Variants in RPS3 observed in about 807,000 individuals in gnomAD.
The protein encoded by RPS3 is small ribosomal subunit protein uS3.
In RPS3, 2 loss-of-function variants were observed where a neutral mutation model predicts 25.8. The observed-to-expected ratio is 0.08, with a 90% CI of 0.03 to 0.24. The LOEUF (loss-of-function observed/expected upper bound fraction) is 0.24, where lower values mean the gene tolerates loss of function less well. Ranked by LOEUF, RPS3 falls within the 10% of genes least tolerant of loss-of-function variation. RPS3 has a pLI of 1.00. For missense variants in RPS3, 107 were observed against 307.1 expected (o/e 0.35, Z 4.87); for synonymous variants, 114 against 114.2 (o/e 1.00, Z 0.01).
chr11:75,400,501 T>C (rs376136097), intron 1 of RPS3, 193 bp from the exon 2 acceptor site: 3 of 789,526 alleles, frequency 3.8e-6, no homozygotes, highest in Non-Finnish European at 4.3e-6. Context: ...GTTGAAGTAA[T>C]TTCCTAAAGA....
intron 6 of RPS3, among the ~76,000 whole-genome samples, chr11:75,417,565 C>G (rs1010106852): frequency 1.3e-5 from 2 of 152,224 alleles, no homozygotes; most frequent in Admixed American, 6.5e-5. Flanking sequence ...CCACTGCATT[C>G]CAGCCTGGGT....
Position 75,401,692 on chromosome 11 carries a change from G to C in RPS3, c.214G>C (p.Val72Leu), listed in dbSNP as rs781721862. The change falls in exon 3 of 7, where the codon GTA (valine) becomes CTA (leucine). Residue 72 changes from valine (V) to leucine (L), a missense_variant. Transcript: ENST00000531188. ...CCGGCGGATTCGGGAACTGACTGCT[G>C]TAGTTCAGAAGAGGTTTGGCTTTCC... is the stretch of plus-strand genomic sequence containing the variant. ...KGRRIRELTA[V>L]VQKRFGFPEG... 1 of 1,613,476 alleles carries C rather than the reference G, an allele frequency of 6.2e-7. No individual in the cohort carries two copies. Among genetic ancestry groups the C allele is most frequent in the Non-Finnish European group, 8.5e-7 (1 of 1,179,374 alleles).
At position 75,418,485 on chromosome 11, in the gene RPS3, A is replaced by G. The variant is rs1218402517; in HGVS notation, c.*4-3242A>G. ...ATGGGTGGCAGCAGTGGTGGTAGGG[A>G]AAAAAAAGGTAAAAAAATTTTTTAA... On this transcript the variant is annotated intron_variant, in intron 6 of 6. Coordinates refer to the RPS3 transcript ENST00000527446. Among the ~76,000 whole-genome samples the G allele has an allele frequency of 5.3e-5, 8 of 151,990 alleles. No individual in the cohort carries two copies. The South Asian group carries it at 1.0e-3, about 20-fold the overall frequency.
Position 75,404,649 on chromosome 11 carries a change from C to G in RPS3, c.539-23C>G, listed in dbSNP as rs1213215547. The G allele has an allele frequency of 2.5e-6, 4 of 1,598,772 alleles. No homozygotes were observed. In the African/African-American group the frequency reaches 5.4e-5, roughly 21 times the overall value. On this transcript the variant is annotated intron_variant, in intron 5 of 6. Transcript: ENST00000531188. The surrounding 1 kb of genome is among the most constrained non-coding windows in gnomAD (Gnocchi z 4.6). ...GGGCCTTTGAGACCCCAGCTGTGTG[C>G]TAACAACTGTGGTGTCCTCTAGGTG...
chr11:75,402,570 A>T, intron 4 of RPS3, 124 bp downstream of exon 4: 1 of 1,007,380 alleles, frequency 9.9e-7, no homozygotes, highest in South Asian at 1.7e-5. Context: ...CCAGGGTTAT[A>T]ATAAGATACT....
At chr11:75,401,475 G>A (rs1451947825) in intron 2 of RPS3, among the ~76,000 whole-genome samples, 165 bp from the exon 3 acceptor site, 9 of 152,108 alleles carry the variant, frequency 5.9e-5, no homozygotes, top group South Asian at 2.1e-4. Context: ...GGGTGACAGA[G>A]TGAGACCCTG....
intron 3 of RPS3, 140 bp from the exon 4 acceptor site, chr11:75,402,212 C>A: frequency 7.9e-7 from 1 of 1,257,934 alleles, no homozygotes; most frequent in Admixed American, 2.0e-5. Flanking sequence ...ACAATCAAAG[C>A]CATCTCCTGG....
chr11:75,407,517 G>A (rs1479153918), downstream of RPS3, among the ~76,000 whole-genome samples: 1 of 152,052 alleles, frequency 6.6e-6, no homozygotes, highest in Admixed American at 6.6e-5. Context: ...TGTCACCCAG[G>A]CTGGAGTGCA....
chr11:75,421,084 A>G (rs899651037), intron 6 of RPS3, among the ~76,000 whole-genome samples: 4 of 151,994 alleles, frequency 2.6e-5, no homozygotes, highest in Non-Finnish European at 5.9e-5. Flanking sequence ...AGCGTTCCCC[A>G]TAGGGTGGGC....
rs1948252653 is a variant in RPS3 at position 75,404,350 on chromosome 11, G to A, written c.538+143G>A. On this transcript the variant is annotated intron_variant, in intron 5 of 6. Coordinates refer to ENST00000531188, the MANE Select transcript of RPS3 (RefSeq NM_001005.5). This position sits in a 1 kb window ranked among gnomAD's most constrained non-coding sequence, Gnocchi z 4.6. ...GGTGTATCGATTGCCACGTTGATCT[G>A]TAAGAATCGATTTGCTGAGATCTGT... The A allele has an allele frequency of 1.2e-6, 1 of 858,310 alleles. No individual in the cohort carries two copies. Among genetic ancestry groups the A allele is most frequent in the African/African-American group, 1.7e-5 (1 of 60,532 alleles). 53.2% of individuals were successfully genotyped at this position (858,310 alleles called of 1,614,324 possible).
At chr11:75,403,973 G>A in intron 4 of RPS3, 47 bp from the exon 5 acceptor site, 1 of 1,547,376 alleles carries the variant, frequency 6.5e-7, no homozygotes, top group Non-Finnish European at 8.8e-7. Context: ...TAAACTTGGT[G>A]GAGGTCCTTG....
downstream of RPS3, among the ~76,000 whole-genome samples, chr11:75,408,857 G>A (rs564835821): frequency 6.6e-6 from 1 of 152,180 alleles, no homozygotes; most frequent in African/African-American, 2.4e-5. Flanking sequence ...ATCTTTTACA[G>A]AAAACTATGT....
Position 75,404,575 on chromosome 11 carries a change from C to G in RPS3, c.539-97C>G, listed in dbSNP as rs560846324. 20 of 1,205,582 alleles carry G rather than the reference C, an allele frequency of 1.7e-5. No individual in the cohort carries two copies. Among genetic ancestry groups the G allele is most frequent in the Non-Finnish European group, 2.0e-5 (16 of 808,792 alleles). 74.7% of individuals were successfully genotyped at this position (1,205,582 alleles called of 1,614,324 possible). A position where few individuals can be genotyped will look rare whatever the true frequency, so the allele number is the denominator to read the frequency against. On this transcript the variant is annotated intron_variant, in intron 5 of 6. Transcript: ENST00000531188. This position sits in a 1 kb window ranked among gnomAD's most constrained non-coding sequence, Gnocchi z 4.6. ...GCATTTGTCTGAGAAGGGTCCAGAC[C>G]CAGGGGTGCTTGAGTAAACTGCTTG... is the stretch of plus-strand genomic sequence containing the variant.
Position 75,401,628 on chromosome 11 carries a change from T to G in RPS3, c.162-12T>G. 1 of 1,583,152 alleles carries G rather than the reference T, an allele frequency of 6.3e-7. No individual in the cohort carries two copies. The highest frequency in any genetic ancestry group is 8.7e-7 in the Non-Finnish European group (1 of 1,151,858). On this transcript the variant is annotated splice_polypyrimidine_tract_variant and intron_variant, in intron 2 of 6. Coordinates refer to ENST00000531188, the MANE Select transcript of RPS3 (RefSeq NM_001005.5). ...TTTGTGAGAATCTTGAATTGTCACT[T>G]TTCCCCCCCAGAACACAGAATGTTC... is the stretch of plus-strand genomic sequence containing the variant.
intron 1 of RPS3, chr11:75,400,485 G>C: frequency 1.4e-6 from 1 of 701,308 alleles, no homozygotes; most frequent in South Asian, 1.4e-5. Flanking sequence ...AGTTTAAAGA[G>C]CCCTGGTTGA....
downstream of RPS3, among the ~76,000 whole-genome samples, chr11:75,409,006 G>A (rs1396208980): frequency 6.6e-6 from 1 of 150,580 alleles, no homozygotes; most frequent in Non-Finnish European, 1.5e-5. Flanking sequence ...TTTGAGACAG[G>A]GTCTGGCTCT....
At chr11:75,410,322 G>C (rs1480805611), downstream of RPS3, among the ~76,000 whole-genome samples, 1 of 151,084 alleles carries the variant, frequency 6.6e-6, no homozygotes, top group African/African-American at 2.4e-5. Flanking sequence ...CGGGGCGGCC[G>C]GGCAGAGGCG....
chr11:75,400,071 A>C (rs1463423192), intron 1 of RPS3, among the ~76,000 whole-genome samples: 1 of 152,198 alleles, frequency 6.6e-6, no homozygotes, highest in Non-Finnish European at 1.5e-5. Flanking sequence ...CCTTGTCATT[A>C]CATGGGATAG....
Position 75,404,597 on chromosome 11 carries a change from C to G in RPS3, c.539-75C>G, listed in dbSNP as rs769188330. On this transcript the variant is annotated intron_variant, in intron 5 of 6. Transcript: ENST00000531188. The surrounding 1 kb of genome is among the most constrained non-coding windows in gnomAD (Gnocchi z 4.6). ...GACCCAGGGGTGCTTGAGTAAACTGCTTGCTCTCTTTGGTCTTGTGTGATG... is the reference window on the plus strand; with the variant it reads ...GACCCAGGGGTGCTTGAGTAAACTGGTTGCTCTCTTTGGTCTTGTGTGATG... The G allele has an allele frequency of 1.1e-5, 16 of 1,448,750 alleles. No individual in the cohort carries two copies. The South Asian group carries it at 1.7e-4, about 16-fold the overall frequency. The allele number at this position is 1,448,750 out of a possible 1,614,324, so 89.7% of individuals were successfully genotyped here. A position where few individuals can be genotyped will look rare whatever the true frequency, so the allele number is the denominator to read the frequency against.
Sources: allele counts gnomAD v4.1 joint callset (sites outside exome capture counted in the v4.1 genomes callset), GRCh38; gene constraint gnomAD v4.1.1; non-coding constraint Gnocchi (gnomAD v3.1); transcripts MANE v1.5; gene names NCBI Gene and HGNC (gene_info 2026-07-23, HGNC 2026-07-21).